TMPRSS4: variants seen among roughly 807,000 people sequenced by gnomAD.
The protein encoded by TMPRSS4 is transmembrane serine protease 4, also known as transmembrane protease serine 4.
TMPRSS4 carries 45 observed loss-of-function variants against 56.4 expected under a neutral mutation model. The observed-to-expected ratio is 0.80, with a 90% CI of 0.63 to 1.02. TMPRSS4 has a LOEUF of 1.02. Among genes scored for constraint, TMPRSS4 ranks in the 50% least tolerant of loss-of-function variants. The pLI is 0.00. For missense variants in TMPRSS4, 546 were observed against 556.7 expected, an observed-to-expected ratio of 0.98 and a Z score of 0.19; for synonymous variants, 205 against 211.0, an observed-to-expected ratio of 0.97 and a Z score of 0.25.
intron 4 of TMPRSS4, 35 bp from the exon 5 acceptor site, chr11:118,104,656 C>A: frequency 6.2e-7 from 1 of 1,613,858 alleles, no homozygotes; most frequent in Non-Finnish European, 8.5e-7. Context: ...AGTTGGGCCC[C>A]CCGTTCCATC....
intron 2 of TMPRSS4, among the ~76,000 whole-genome samples, chr11:118,096,761 C>T (rs10790231): frequency 0.89 from 116,273 of 131,142 alleles, 51,863 homozygotes; most frequent in South Asian, 0.93. Flanking sequence ...CACTGCACTC[C>T]AGCCTGGGCA....
At chr11:118,094,004 A>G (rs1301747419) in intron 1 of TMPRSS4, among the ~76,000 whole-genome samples, 2 of 152,328 alleles carry the variant, frequency 1.3e-5, no homozygotes, top group Non-Finnish European at 2.9e-5. Context: ...ATTATATTCT[A>G]TTATATGAAA....
chr11:118,085,471 T>G (rs1399188625), intron 1 of TMPRSS4, among the ~76,000 whole-genome samples: 1 of 152,128 alleles, frequency 6.6e-6, no homozygotes, highest in Non-Finnish European at 1.5e-5. Flanking sequence ...TCAGTCCCAA[T>G]CAGTTCCTTT....
intron 9 of TMPRSS4, 115 bp downstream of exon 9, chr11:118,113,550 T>C: frequency 8.0e-7 from 1 of 1,245,420 alleles, no homozygotes; most frequent in Non-Finnish European, 1.1e-6. Flanking sequence ...GTCCTCAGCT[T>C]GCCCATTTGT....
chr11:118,125,402 G>A, downstream of TMPRSS4: 1 of 455,316 alleles, frequency 2.2e-6, no homozygotes, highest in Non-Finnish European at 4.4e-6. Context: ...CACATCGCCT[G>A]ACCACCTGTG....
chr11:118,113,207 A>C, intron 8 of TMPRSS4, 62 bp from the exon 9 acceptor site: 1 of 1,537,540 alleles, frequency 6.5e-7, no homozygotes, highest in Admixed American at 1.9e-5. Context: ...CTGGGGACCC[A>C]GCCTTTGGCA....
At chr11:118,103,671 C>T (rs531691578) in intron 4 of TMPRSS4, among the ~76,000 whole-genome samples, 85 of 152,314 alleles carry the variant, frequency 5.6e-4, no homozygotes, top group Admixed American at 9.2e-4. Context: ...CGTGAGCCAC[C>T]GTGCCCAGCT....
At chr11:118,110,344 C>T (rs983800952) in intron 7 of TMPRSS4, among the ~76,000 whole-genome samples, 1 of 146,580 alleles carries the variant, frequency 6.8e-6, no homozygotes, top group African/African-American at 2.5e-5. Context: ...TAGATTCTCT[C>T]TTTTTTTTTT....
In TMPRSS4 at chr11:118,117,386, G is replaced by T. The variant is rs190228222; in HGVS notation, c.1234G>T (p.Gly412Cys). 1.3e-4 allele frequency: 215 copies of T among 1,614,108 alleles called. No homozygotes were observed. Among genetic ancestry groups the T allele is most frequent in the South Asian group, 3.2e-4 (29 of 91,076 alleles). ...GIVSWGYGCG[G>C]PSTPGVYTKV... ...CGTTAGTTGGGGCTATGGCTGCGGGGGCCCGAGCACCCCAGGAGTATACAC... is the reference window on the plus strand; with the variant it reads ...CGTTAGTTGGGGCTATGGCTGCGGGTGCCCGAGCACCCCAGGAGTATACAC... The change falls in exon 12 of 13, where the codon GGC becomes TGC. Residue 412 changes from glycine (G) to cysteine (C), a missense_variant. By Grantham distance (159) the Gly-to-Cys change is radical. Transcript: ENST00000437212.
intron 8 of TMPRSS4, 62 bp downstream of exon 8, chr11:118,111,962 G>A: frequency 6.4e-7 from 1 of 1,568,146 alleles, no homozygotes; most frequent in Non-Finnish European, 8.6e-7. Flanking sequence ...CAGAGAGCTT[G>A]GGGTCCTGTC....
intron 3 of TMPRSS4, 34 bp downstream of exon 3, chr11:118,099,132 T>C: frequency 6.3e-7 from 1 of 1,577,004 alleles, no homozygotes; most frequent in African/African-American, 1.3e-5. Context: ...TTTCACCCTC[T>C]AAGTAAATGA....
chr11:118,099,459 GA>G (rs1457855604), intron 3 of TMPRSS4, among the ~76,000 whole-genome samples: 23 of 21,246 alleles, frequency 1.1e-3, no homozygotes, highest in Middle Eastern at 0.034. Flanking sequence ...GAGAAAGAGA[GA>G]AAGAAAGAAA....
At chr11:118,094,199 G>A (rs759127735) in intron 1 of TMPRSS4, among the ~76,000 whole-genome samples, 13 of 152,176 alleles carry the variant, frequency 8.5e-5, no homozygotes, top group Non-Finnish European at 1.8e-4. Context: ...TGTACGTTTA[G>A]CATTAGTGGA....
intron 1 of TMPRSS4, among the ~76,000 whole-genome samples, chr11:118,080,687 G>A (rs1945057108): frequency 6.6e-6 from 1 of 152,184 alleles, no homozygotes; most frequent in Admixed American, 6.5e-5. Flanking sequence ...CCAGCTCAAG[G>A]GGGTCATGGG....
At chr11:118,110,344 C>CTT (rs11320723) in intron 7 of TMPRSS4, among the ~76,000 whole-genome samples, 6,264 of 146,586 alleles carry the variant, frequency 0.043, 465 homozygotes, top group African/African-American at 0.15. Flanking sequence ...TAGATTCTCT[C>CTT]TTTTTTTTTT....
At chr11:118,097,832 A>G (rs943663427) in intron 2 of TMPRSS4, among the ~76,000 whole-genome samples, 18 of 152,136 alleles carry the variant, frequency 1.2e-4, no homozygotes, top group Non-Finnish European at 7.3e-5. Context: ...GTACAATGGC[A>G]CAATCTCAGC....
intron 11 of TMPRSS4, among the ~76,000 whole-genome samples, chr11:118,116,138 C>T (rs10790236): frequency 0.66 from 99,958 of 152,030 alleles, 33,093 homozygotes; most frequent in East Asian, 0.95. Context: ...TGTTTTTTAA[C>T]AGAGACAGGG....
At position 118,115,162 on chromosome 11, in the gene TMPRSS4, A is replaced by C. The variant is rs760980111; in HGVS notation, c.1034A>C (p.Gln345Pro). ...GGGAAGATGTCTGACATACTGCTGC[A>C]GGCGTCAGTCCAGGTCATTGACAGC... Reference protein sequence around the residue: ...NGGKMSDILLQASVQVIDSTR... With the variant: ...NGGKMSDILLPASVQVIDSTR... Residue 345 changes from glutamine (Q) to proline (P), a missense_variant, in exon 11 of 13, where the codon CAG becomes CCG. By Grantham distance (76) the Gln-to-Pro change is moderately conservative (BLOSUM62 -1). Coordinates refer to ENST00000437212, the MANE Select transcript of TMPRSS4 (RefSeq NM_019894.4). 1 of 1,612,000 alleles carries C rather than the reference A, an allele frequency of 6.2e-7. No homozygotes were observed. The highest frequency in any genetic ancestry group is 8.5e-7 in the Non-Finnish European group (1 of 1,179,408).
intron 10 of TMPRSS4, 43 bp from the exon 11 acceptor site, chr11:118,115,095 A>T: frequency 6.3e-7 from 1 of 1,594,408 alleles, no homozygotes; most frequent in African/African-American, 1.3e-5. Flanking sequence ...GGGCTGGGGG[A>T]TAGAAGGCAA....
Sources: gnomAD v4.1 joint callset for allele counts (sites outside exome capture counted in the v4.1 genomes callset) on GRCh38, gnomAD v4.1.1 for gene constraint, MANE v1.5 for transcripts, NCBI Gene and HGNC (gene_info 2026-07-23, HGNC 2026-07-21) for gene names.